Variants in TMC1 observed in about 807,000 individuals in gnomAD.
The protein encoded by TMC1 is transmembrane channel-like protein 1.
In TMC1, 84 loss-of-function variants were observed where a neutral mutation model predicts 105.8. The ratio of observed to expected loss-of-function variants is 0.79; its 90% CI spans 0.67 to 0.95. TMC1 has a LOEUF of 0.95. TMC1 is among the 40% of genes least tolerant of loss of function. The pLI is 0.00. For missense variants in TMC1, 817 were observed against 914.1 expected, an observed-to-expected ratio of 0.89 and a Z score of 1.37; for synonymous variants, 315 against 311.5, an observed-to-expected ratio of 1.01 and a Z score of -0.12.
chr9:72,569,031 C>T (rs1824218717), intron 1 of TMC1, among the ~76,000 whole-genome samples: 1 of 152,126 alleles, frequency 6.6e-6, no homozygotes. Context: ...GTGAACTAAA[C>T]AATAAATACA....
chr9:72,755,012 TAAGA>T, intron 12 of TMC1, 128 bp downstream of exon 12: 1 of 434,922 alleles, frequency 2.3e-6, no homozygotes, highest in South Asian at 1.7e-5. Flanking sequence ...CTGCTCCCTT[TAAGA>T]AAGAAAGGAA....
intron 7 of TMC1, among the ~76,000 whole-genome samples, 153 bp downstream of exon 7, chr9:72,694,867 A>T (rs1826522821): frequency 1.3e-5 from 2 of 152,176 alleles, no homozygotes; most frequent in Non-Finnish European, 2.9e-5. Context: ...AATTAAATGT[A>T]TTTTAATGGT....
intron 8 of TMC1, among the ~76,000 whole-genome samples, chr9:72,727,201 T>C (rs1226754507): frequency 1.3e-5 from 2 of 152,196 alleles, no homozygotes; most frequent in African/African-American, 4.8e-5. Context: ...TGAATTCTTA[T>C]CTCATCTACA....
intron 8 of TMC1, among the ~76,000 whole-genome samples, chr9:72,729,888 C>T (rs1163804564): frequency 1.3e-5 from 2 of 152,154 alleles, no homozygotes; most frequent in Non-Finnish European, 2.9e-5. Flanking sequence ...AAAGTGTGAA[C>T]AGCCATGTAG....
intron 12 of TMC1, among the ~76,000 whole-genome samples, chr9:72,760,526 G>A (rs1267761246): frequency 1.3e-5 from 2 of 152,048 alleles, no homozygotes; most frequent in Non-Finnish European, 2.9e-5. Flanking sequence ...AGTTTGGGGT[G>A]TGTGTGACCT....
At chr9:72,815,984 CTTTGT>C (rs1324059140) in intron 18 of TMC1, among the ~76,000 whole-genome samples, 154 bp from the exon 19 acceptor site, 1 of 151,840 alleles carries the variant, frequency 6.6e-6, no homozygotes, top group Non-Finnish European at 1.5e-5. Flanking sequence ...AAGGTGCTTT[CTTTGT>C]TTTATTTATA....
At chr9:72,546,834 A>G (rs1008733329) in intron 1 of TMC1, among the ~76,000 whole-genome samples, 18 of 152,196 alleles carry the variant, frequency 1.2e-4, no homozygotes, top group Admixed American at 2.0e-4. Flanking sequence ...TTGTGTCTAC[A>G]TTTTGTTTTA....
At chr9:72,735,071 G>A (rs772155048) in intron 8 of TMC1, among the ~76,000 whole-genome samples, 21 of 152,144 alleles carry the variant, frequency 1.4e-4, no homozygotes, top group African/African-American at 1.9e-4. Context: ...CCAACACAAC[G>A]GATTGATAAA....
At chr9:72,756,661 A>G (rs571202703) in intron 12 of TMC1, among the ~76,000 whole-genome samples, 4 of 152,194 alleles carry the variant, frequency 2.6e-5, no homozygotes, top group Non-Finnish European at 5.9e-5. Context: ...AAGATCACTG[A>G]CTTTTTCTGT....
chr9:72,704,318 G>C (rs1447782139), intron 8 of TMC1, among the ~76,000 whole-genome samples: 1 of 152,130 alleles, frequency 6.6e-6, no homozygotes, highest in Non-Finnish European at 1.5e-5. Context: ...TCTGGACTTG[G>C]AGAAAGTTTT....
At chr9:72,829,847 G>C (rs1829013409) in intron 21 of TMC1, among the ~76,000 whole-genome samples, 1 of 152,152 alleles carries the variant, frequency 6.6e-6, no homozygotes, top group Admixed American at 6.5e-5. Flanking sequence ...GCTAGAATTT[G>C]CCCTTTCTAG....
At chr9:72,782,126 C>T (rs917747169) in intron 13 of TMC1, among the ~76,000 whole-genome samples, 1 of 152,150 alleles carries the variant, frequency 6.6e-6, no homozygotes, top group Non-Finnish European at 1.5e-5. Flanking sequence ...ATCAAGTAGG[C>T]TTTATTCCTG....
At chr9:72,665,497 A>G (rs1826029585) in intron 5 of TMC1, among the ~76,000 whole-genome samples, 1 of 152,248 alleles carries the variant, frequency 6.6e-6, no homozygotes, top group African/African-American at 2.4e-5. Flanking sequence ...TGCTACAGAA[A>G]GTGGTACAAA....
intron 8 of TMC1, among the ~76,000 whole-genome samples, chr9:72,701,232 T>C (rs904840547): frequency 6.6e-6 from 1 of 152,194 alleles, no homozygotes; most frequent in African/African-American, 2.4e-5. Context: ...CAATTAAAGG[T>C]TATGCTAATA....
chr9:72,565,127 C>T (rs113995024), intron 1 of TMC1, among the ~76,000 whole-genome samples: 1 of 152,338 alleles, frequency 6.6e-6, no homozygotes, highest in African/African-American at 2.4e-5. Context: ...CAAGGTCTTA[C>T]TTTAACCAGA....
intron 2 of TMC1, among the ~76,000 whole-genome samples, chr9:72,579,093 C>T (rs1203392686): frequency 2.0e-5 from 3 of 152,198 alleles, no homozygotes; most frequent in African/African-American, 7.2e-5. Flanking sequence ...CATTTGATTG[C>T]AGAGCTGAAT....
At chr9:72,623,553 C>T (rs1353351541) in intron 3 of TMC1, among the ~76,000 whole-genome samples, 2 of 152,116 alleles carry the variant, frequency 1.3e-5, no homozygotes, top group Non-Finnish European at 2.9e-5. Context: ...CCTGAGTTTT[C>T]AGGGACAGAA....
At chr9:72,757,848 G>A (rs2118078058) in intron 12 of TMC1, among the ~76,000 whole-genome samples, 1 of 152,208 alleles carries the variant, frequency 6.6e-6, no homozygotes, top group Admixed American at 6.5e-5. Flanking sequence ...TTGACCAAAG[G>A]CAAACAGCTA....
At chr9:72,667,759 A>G (rs1826066179) in intron 5 of TMC1, among the ~76,000 whole-genome samples, 1 of 152,196 alleles carries the variant, frequency 6.6e-6, no homozygotes, top group African/African-American at 2.4e-5. Flanking sequence ...TTCTTACCTC[A>G]ATGAGGCTAT....
Sources: allele counts gnomAD v4.1 joint callset (sites outside exome capture counted in the v4.1 genomes callset), GRCh38; gene constraint gnomAD v4.1.1; transcripts MANE v1.5; gene names NCBI Gene and HGNC (gene_info 2026-07-23, HGNC 2026-07-21).